Variants in IKZF3 observed in about 807,000 individuals in gnomAD.
The protein encoded by IKZF3 is IKAROS family zinc finger 3, also known as zinc finger protein Aiolos.
In IKZF3, 10 loss-of-function variants were observed where a neutral mutation model predicts 49.0. That is an observed-to-expected ratio of 0.20 (90% CI 0.13 to 0.35). The LOEUF (loss-of-function observed/expected upper bound fraction) is 0.35, where lower values mean the gene tolerates loss of function less well. Among genes scored for constraint, IKZF3 ranks in the 10% least tolerant of loss-of-function variants. IKZF3 has a pLI of 1.00. For synonymous variants in IKZF3, 209 were observed against 228.2 expected (o/e 0.92, Z 0.76); for missense variants, 498 against 664.8 (o/e 0.75, Z 2.76).
intron 3 of IKZF3, among the ~76,000 whole-genome samples, chr17:39,811,397 C>T (rs114777282): frequency 8.3e-4 from 93 of 112,358 alleles, no homozygotes; most frequent in African/African-American, 3.3e-3. Context: ...GAAGAAAGGA[C>T]GGAAGGAAGA....
At chr17:39,792,447 C>T (rs1382059172) in intron 4 of IKZF3, among the ~76,000 whole-genome samples, 1 of 152,210 alleles carries the variant, frequency 6.6e-6, no homozygotes, top group Admixed American at 6.5e-5. Context: ...GAACACTGTG[C>T]TCTCTACAGT....
intron 3 of IKZF3, among the ~76,000 whole-genome samples, chr17:39,798,874 C>A (rs972863760): frequency 6.6e-6 from 1 of 152,106 alleles, no homozygotes; most frequent in African/African-American, 2.4e-5. Context: ...CTCTGATCAA[C>A]CCAGCTGGAA....
intron 1 of IKZF3, among the ~76,000 whole-genome samples, chr17:39,860,356 T>C (rs758297174): frequency 3.3e-5 from 5 of 152,216 alleles, no homozygotes; most frequent in Non-Finnish European, 7.3e-5. Context: ...GAAAAGTTTA[T>C]AACAATGTAT....
At chr17:39,798,035 C>T in intron 3 of IKZF3, among the ~76,000 whole-genome samples, 1 of 152,142 alleles carries the variant, frequency 6.6e-6, no homozygotes, top group Non-Finnish European at 1.5e-5. Flanking sequence ...TTTCCTTTCT[C>T]CTGATTGGGC....
At chr17:39,799,959 T>C (rs1247109993) in intron 3 of IKZF3, among the ~76,000 whole-genome samples, 1 of 152,252 alleles carries the variant, frequency 6.6e-6, no homozygotes, top group African/African-American at 2.4e-5. Context: ...AAATGTTTCA[T>C]GCAAAACCAA....
chr17:39,758,071 C>T lies in IKZF3; in HGVS notation c.*7719G>A, dbSNP rs2060104592. ...TCCCAGTGGGAAGGCCACCCTGAGC[C>T]CCAAACCACATTCTGTTCCTTCCTC... On this transcript the variant is annotated 3_prime_UTR_variant, in exon 8 of 8. Coordinates refer to ENST00000346872, the MANE Select transcript of IKZF3 (RefSeq NM_012481.5). 6.6e-6 allele frequency: 1 copy of T among 152,224 alleles called. No homozygotes were observed. Among genetic ancestry groups the T allele is most frequent in the African/African-American group, 2.4e-5 (1 of 41,430 alleles). 9.4% of individuals were successfully genotyped at this position (152,224 alleles called of 1,614,324 possible). A position where few individuals can be genotyped will look rare whatever the true frequency, so the allele number is the denominator to read the frequency against.
In IKZF3 at chr17:39,758,011, C is replaced by G. The variant is rs1471925869; in HGVS notation, c.*7779G>C. The G allele has an allele frequency of 6.6e-6, 1 of 152,164 alleles. No homozygotes were observed. Among genetic ancestry groups the G allele is most frequent in the Non-Finnish European group, 1.5e-5 (1 of 68,036 alleles). The allele number at this position is 152,164 out of a possible 1,614,324, so 9.4% of individuals were successfully genotyped here. Reference sequence around the variant, plus strand: ...GAGAGGCTGTGAGCACAGGCTGTGTCAAAACCCAGGGCAAGGGCTCCCTCC... The same window carrying G: ...GAGAGGCTGTGAGCACAGGCTGTGTGAAAACCCAGGGCAAGGGCTCCCTCC... On this transcript the variant is annotated 3_prime_UTR_variant, in exon 8 of 8. Transcript: ENST00000346872.
At chr17:39,819,849 T>C (rs930213372) in intron 3 of IKZF3, among the ~76,000 whole-genome samples, 4 of 152,006 alleles carry the variant, frequency 2.6e-5, no homozygotes, top group African/African-American at 9.7e-5. Context: ...ATTTTTTTTT[T>C]GTAGAGATGG....
At chr17:39,853,952 AC>A (rs930522253) in intron 1 of IKZF3, among the ~76,000 whole-genome samples, 2 of 145,360 alleles carry the variant, frequency 1.4e-5, no homozygotes, top group African/African-American at 5.1e-5. Context: ...ATATGGTGAA[AC>A]CTGTCTCTAC....
chr17:39,809,168 C>A (rs2061497106), intron 3 of IKZF3, among the ~76,000 whole-genome samples: 1 of 152,160 alleles, frequency 6.6e-6, no homozygotes, highest in African/African-American at 2.4e-5. Flanking sequence ...ATTAGCAAAT[C>A]TATTAAGGGT....
chr17:39,770,629 A>T (rs1218517471), intron 7 of IKZF3, among the ~76,000 whole-genome samples: 1 of 151,682 alleles, frequency 6.6e-6, no homozygotes, highest in African/African-American at 2.4e-5. Context: ...GAGGGGGAAG[A>T]CCCACCACCC....
At chr17:39,828,340 G>A (rs1482541674) in intron 3 of IKZF3, among the ~76,000 whole-genome samples, 1 of 152,190 alleles carries the variant, frequency 6.6e-6, no homozygotes, top group Non-Finnish European at 1.5e-5. Context: ...GGAGTTGACT[G>A]AGGGAGAGGT....
At chr17:39,799,721 C>A (rs1353344003) in intron 3 of IKZF3, among the ~76,000 whole-genome samples, 1 of 152,338 alleles carries the variant, frequency 6.6e-6, no homozygotes, top group East Asian at 1.9e-4. Context: ...CAAGCCTCTT[C>A]TCCAGCCTTT....
chr17:39,838,282 G>A (rs2062360482), intron 1 of IKZF3, among the ~76,000 whole-genome samples: 1 of 152,022 alleles, frequency 6.6e-6, no homozygotes, highest in Non-Finnish European at 1.5e-5. Flanking sequence ...ACAGTTCCCT[G>A]AGACATTGTT....
chr17:39,808,332 G>A (rs995885579), intron 3 of IKZF3, among the ~76,000 whole-genome samples: 1 of 152,154 alleles, frequency 6.6e-6, no homozygotes, highest in African/African-American at 2.4e-5. Context: ...TTGACAGTAG[G>A]AAAGGAAGGT....
intron 7 of IKZF3, among the ~76,000 whole-genome samples, chr17:39,768,728 C>T (rs2060360051): frequency 6.6e-6 from 1 of 152,160 alleles, no homozygotes; most frequent in Non-Finnish European, 1.5e-5. Context: ...TTTTTTTCCT[C>T]TGTTTGATTT....
At chr17:39,847,464 A>G (rs762290530) in intron 1 of IKZF3, among the ~76,000 whole-genome samples, 14 of 152,126 alleles carry the variant, frequency 9.2e-5, no homozygotes, top group Non-Finnish European at 1.9e-4. Flanking sequence ...GAAAAACTCT[A>G]GTAGTTAAAA....
At chr17:39,855,384 C>T (rs947048166) in intron 1 of IKZF3, among the ~76,000 whole-genome samples, 1 of 152,190 alleles carries the variant, frequency 6.6e-6, no homozygotes, top group African/African-American at 2.4e-5. Context: ...ATAAGCACTA[C>T]ATGAATTCCT....
intron 3 of IKZF3, among the ~76,000 whole-genome samples, chr17:39,820,691 AT>A (rs1286137241): frequency 2.0e-5 from 3 of 152,092 alleles, no homozygotes. Flanking sequence ...TGTCTTTTGT[AT>A]TCATAACGAG....
Sources: allele counts gnomAD v4.1 joint callset (sites outside exome capture counted in the v4.1 genomes callset), GRCh38; gene constraint gnomAD v4.1.1; transcripts MANE v1.5; gene names NCBI Gene and HGNC (gene_info 2026-07-23, HGNC 2026-07-21).